PCDH15: variants seen among roughly 807,000 people sequenced by gnomAD.
PCDH15 encodes protocadherin related 15.
Under a neutral mutation model 178.5 loss-of-function variants are expected in PCDH15, and 129 were observed. The ratio of observed to expected loss-of-function variants is 0.72; its 90% confidence interval spans 0.63 to 0.84. The LOEUF (loss-of-function observed/expected upper bound fraction) is 0.84, where lower values mean the gene tolerates loss of function less well. PCDH15 is among the 40% of genes least tolerant of loss of function. The pLI, the probability that PCDH15 is intolerant of heterozygous loss-of-function variation, is 0.00. For synonymous variants in PCDH15, 800 were observed against 732.0 expected (o/e 1.09, Z -1.50); for missense variants, 2,230 against 2,099.9 (o/e 1.06, Z -1.21).
At chr10:55,520,044 A>ACATATATATATATACATATATATGG (rs1455533077) in intron 2 of PCDH15, among the ~76,000 whole-genome samples, 1 of 146,152 alleles carries the variant, frequency 6.8e-6, no homozygotes, top group Non-Finnish European at 1.5e-5. Flanking sequence ...CCATATATAT[A>ACATATATATATATACATATATATGG]CATATATATA....
At chr10:53,912,672 G>A (rs1325302467) in intron 25 of PCDH15, among the ~76,000 whole-genome samples, 3 of 152,078 alleles carry the variant, frequency 2.0e-5, no homozygotes, top group Non-Finnish European at 4.4e-5. Flanking sequence ...CCCAAATCAT[G>A]AGTGAACTTC....
chr10:54,706,729 T>C (rs1278129726), intron 1 of PCDH15, among the ~76,000 whole-genome samples: 1 of 152,108 alleles, frequency 6.6e-6, no homozygotes, highest in African/African-American at 2.4e-5. Flanking sequence ...GTTCAAACGA[T>C]CCTCGTGCCT....
intron 8 of PCDH15, among the ~76,000 whole-genome samples, chr10:54,246,292 C>A (rs1015276839): frequency 6.6e-6 from 1 of 151,890 alleles, no homozygotes; most frequent in African/African-American, 2.4e-5. Flanking sequence ...GTCAGTATCT[C>A]AGAAAACCAC....
At chr10:54,377,954 T>A (rs2134999307) in intron 4 of PCDH15, among the ~76,000 whole-genome samples, 1 of 152,194 alleles carries the variant, frequency 6.6e-6, no homozygotes, top group Admixed American at 6.5e-5. Flanking sequence ...TGTCTCGCTC[T>A]GCTGTCCTGG....
At chr10:54,226,526 C>G (rs1269619807) in intron 9 of PCDH15, among the ~76,000 whole-genome samples, 1 of 152,060 alleles carries the variant, frequency 6.6e-6, no homozygotes, top group Non-Finnish European at 1.5e-5. Context: ...TAGTGAGATC[C>G]CATCTCTAGG....
At chr10:54,438,196 C>A (rs1204349846) in intron 3 of PCDH15, among the ~76,000 whole-genome samples, 1 of 148,378 alleles carries the variant, frequency 6.7e-6, no homozygotes, top group Non-Finnish European at 1.5e-5. Flanking sequence ...CTTCTTTTGT[C>A]TATGGCTCCA....
rs187811627 is a variant in PCDH15, at chr10:53,995,661, A to G, written c.2856T>C (p.Asp952=). 1.9e-6 allele frequency: 3 copies of G among 1,613,972 alleles called. No individual in the cohort carries two copies. The highest frequency in any genetic ancestry group is 4.5e-5 in the East Asian group (2 of 44,870). Residue 952 remains aspartate (D), a synonymous_variant, in exon 21 of 38, where the codon GAT becomes GAC. Transcript: ENST00000644397. ...GTPITTVYAE[D]ADPPGLPASR... ...GCCTTCTACTTACAGGAGGGTCTGC[A>G]TCTTCAGCATAAACTGTTGTGATAG...
intron 1 of PCDH15, among the ~76,000 whole-genome samples, chr10:55,275,077 G>C (rs1011552723): frequency 4.0e-5 from 6 of 151,710 alleles, no homozygotes; most frequent in African/African-American, 1.5e-4. Context: ...TTGAATTACT[G>C]GTGTTTTTCA....
chr10:54,152,390 A>T (rs1034674831), intron 14 of PCDH15, among the ~76,000 whole-genome samples: 8 of 152,082 alleles, frequency 5.3e-5, no homozygotes, highest in Non-Finnish European at 4.4e-5. Context: ...ATTAAGGAAT[A>T]TGTTTATCAA....
intron 29 of PCDH15, among the ~76,000 whole-genome samples, chr10:53,834,616 C>T (rs2077201167): frequency 6.6e-6 from 1 of 151,758 alleles, no homozygotes; most frequent in Admixed American, 6.6e-5. Context: ...GGTCCCTTCC[C>T]AGGATGTAGC....
At chr10:55,471,998 TCGTCTG>T (rs1021054371) in intron 2 of PCDH15, among the ~76,000 whole-genome samples, 1 of 152,146 alleles carries the variant, frequency 6.6e-6, no homozygotes, top group Non-Finnish European at 1.5e-5. Flanking sequence ...AGTTTCCCCA[TCGTCTG>T]GTGAGATATT....
chr10:53,853,718 A>G (rs533618221), intron 28 of PCDH15, among the ~76,000 whole-genome samples: 1 of 152,158 alleles, frequency 6.6e-6, no homozygotes, highest in African/African-American at 2.4e-5. Flanking sequence ...ACAATGATAT[A>G]TCATCTCACA....
chr10:55,083,248 A>G (rs185576388), intron 2 of PCDH15, among the ~76,000 whole-genome samples: 3 of 152,124 alleles, frequency 2.0e-5, no homozygotes, highest in East Asian at 3.9e-4. Context: ...ATGGTTCAAC[A>G]TATGCAAATT....
chr10:55,253,704 A>G (rs910466081), intron 1 of PCDH15, among the ~76,000 whole-genome samples: 3 of 152,166 alleles, frequency 2.0e-5, no homozygotes, highest in African/African-American at 7.2e-5. Context: ...AGCAATGCAC[A>G]TAAAGCTGAA....
intron 3 of PCDH15, among the ~76,000 whole-genome samples, chr10:54,409,611 A>G (rs1953184343): frequency 6.6e-6 from 1 of 152,134 alleles, no homozygotes; most frequent in Non-Finnish European, 1.5e-5. Flanking sequence ...TATTTACAGT[A>G]TATTCAGCTG....
intron 23 of PCDH15, among the ~76,000 whole-genome samples, chr10:53,956,035 C>T (rs1285429496): frequency 6.6e-6 from 1 of 152,026 alleles, no homozygotes; most frequent in Non-Finnish European, 1.5e-5. Context: ...TGAATATTTT[C>T]ATATTTCCAT....
At chr10:55,317,399 A>C (rs906767713) in intron 1 of PCDH15, among the ~76,000 whole-genome samples, 1 of 152,156 alleles carries the variant, frequency 6.6e-6, no homozygotes, top group Non-Finnish European at 1.5e-5. Flanking sequence ...TATGTACACT[A>C]TTCTTTCCCA....
chr10:55,385,730 T>TAC (rs1267624940), intron 2 of PCDH15, among the ~76,000 whole-genome samples: 1 of 146,210 alleles, frequency 6.8e-6, no homozygotes, highest in African/African-American at 2.5e-5. Context: ...CATATATATA[T>TAC]ACACGTATAT....
rs549703203 is a variant in PCDH15, at chr10:54,636,071, G to A, written c.91+28101C>T. 7.2e-5 allele frequency among the ~76,000 whole-genome samples: 11 copies of A among 151,830 alleles called. No individual in the cohort carries two copies. The South Asian group carries it at 2.3e-3, about 32-fold the overall frequency. On this transcript the variant is annotated intron_variant, in intron 2 of 37. Transcript: ENST00000644397. ...AAGTAACGTTAATAATTGACATGAA[G>A]TCATTAATCCAGTAATACTAAAAAC...
Sources: allele counts gnomAD v4.1 joint callset (sites outside exome capture counted in the v4.1 genomes callset), GRCh38; gene constraint gnomAD v4.1.1; transcripts MANE v1.5; gene names NCBI Gene and HGNC (gene_info 2026-07-23, HGNC 2026-07-21).